The following ETNK2 variants were observed in gnomAD, a reference collection of about 807,000 sequenced individuals.
The protein encoded by ETNK2 is ethanolamine kinase 2.
A neutral mutation model predicts 46.2 loss-of-function variants in ETNK2; 33 were observed. The ratio of observed to expected loss-of-function variants is 0.71; its 90% CI spans 0.54 to 0.96. ETNK2 has a LOEUF of 0.96. ETNK2 is among the 40% of genes least tolerant of loss of function. The probability of loss-of-function intolerance (pLI) is 0.00; values close to 1 mark genes in which losing one functional copy is unlikely to be tolerated. For synonymous variants in ETNK2, 194 were observed against 209.0 expected, an observed-to-expected ratio of 0.93 and a Z score of 0.62; for missense variants, 445 against 509.7, an observed-to-expected ratio of 0.87 and a Z score of 1.22.
At position 204,151,392 on chromosome 1, in the gene ETNK2, G is replaced by A. The variant is rs1401181644; in HGVS notation, c.258+203C>T. 1.3e-5 allele frequency: 9 copies of A among 714,336 alleles called. No homozygotes were observed. The highest frequency in any genetic ancestry group is 6.8e-5 in the Admixed American group (2 of 29,414). The allele number at this position is 714,336 out of a possible 1,614,324, so 44.2% of individuals were successfully genotyped here. On this transcript the variant is annotated intron_variant, in intron 1 of 7. Coordinates refer to ENST00000367202, the MANE Select transcript of ETNK2 (RefSeq NM_018208.4). This position sits in a 1 kb window ranked among gnomAD's most constrained non-coding sequence, Gnocchi z 8.0. ...GCCTAAGAGCCCCGGGAGGAGGGGG[G>A]CGTGTGCAGGGCCAAGGGAGGTGTG...
At chr1:204,146,582 A>T in intron 3 of ETNK2, 60 bp downstream of exon 3, 1 of 1,603,080 alleles carries the variant, frequency 6.2e-7, no homozygotes, top group Non-Finnish European at 8.5e-7. Context: ...GGCTGGAGCC[A>T]AAAGGATGGG....
Position 204,151,129 on chromosome 1 carries a change from C to CA in ETNK2, c.258+465dup. 4.8e-6 allele frequency: 1 copy of CA among 210,342 alleles called. No individual in the cohort carries two copies. Among genetic ancestry groups the CA allele is most frequent in the Admixed American group, 5.7e-5 (1 of 17,544 alleles). The allele number at this position is 210,342 out of a possible 1,614,324, so 13.0% of individuals were successfully genotyped here. A position where few individuals can be genotyped will look rare whatever the true frequency, so the allele number is the denominator to read the frequency against. On this transcript the variant is annotated intron_variant, in intron 1 of 7. Transcript: ENST00000367202. The surrounding 1 kb of genome is among the most constrained non-coding windows in gnomAD (Gnocchi z 8.0). ...TCCACAGGGTGGCTCCTGGGACCCACAGGGGCAGCTCAGAGCCTGGAGGAT... is the reference window on the plus strand; with the variant it reads ...TCCACAGGGTGGCTCCTGGGACCCACAAGGGGCAGCTCAGAGCCTGGAGGAT...
At chr1:204,140,530 CT>C (rs111395792) in intron 4 of ETNK2, among the ~76,000 whole-genome samples, 337 of 146,128 alleles carry the variant, frequency 2.3e-3, no homozygotes, top group South Asian at 6.2e-3. Flanking sequence ...TTGTTTTTGT[CT>C]TTTTTTTTTT....
intron 5 of ETNK2, among the ~76,000 whole-genome samples, chr1:204,137,565 C>T (rs973056463): frequency 6.6e-6 from 1 of 152,200 alleles, no homozygotes; most frequent in Non-Finnish European, 1.5e-5. Context: ...TCTTTCCCAA[C>T]CCCTGCACAA....
In ETNK2 at chr1:204,151,501, G is replaced by A. The variant is rs1658003399; in HGVS notation, c.258+94C>T. On this transcript the variant is annotated intron_variant, in intron 1 of 7. Transcript: ENST00000367202. This position sits in a 1 kb window ranked among gnomAD's most constrained non-coding sequence, Gnocchi z 8.0. ...TTGCGCAGCAGCCGCGCACCCCTGG[G>A]ACTGACACCCGGAAGGATGCGAGGA... 1.4e-5 allele frequency: 21 copies of A among 1,503,286 alleles called. 1 individual carries two copies. In the South Asian group the frequency reaches 2.2e-4, roughly 16 times the overall value. The allele number at this position is 1,503,286 out of a possible 1,614,324, so 93.1% of individuals were successfully genotyped here. A position where few individuals can be genotyped will look rare whatever the true frequency, so the allele number is the denominator to read the frequency against.
rs568533842 is a variant in ETNK2 at position 204,151,893 on chromosome 1, G to T, written c.-41C>A. On this transcript the variant is annotated 5_prime_UTR_variant, in exon 1 of 8. Transcript: ENST00000367202. This position sits in a 1 kb window ranked among gnomAD's most constrained non-coding sequence, Gnocchi z 8.0. The stretch of plus-strand genomic sequence containing the variant: ...CCCCTCGGAGCCGCGGCAGACGCTA[G>T]CCCCGGCGGGGGGGTCCGGCGAGGG... 12 of 1,409,906 alleles carry T rather than the reference G, an allele frequency of 8.5e-6. No individual in the cohort carries two copies. The African/African-American group carries it at 1.4e-4, about 16-fold the overall frequency. 87.3% of individuals were successfully genotyped at this position (1,409,906 alleles called of 1,614,324 possible).
intron 5 of ETNK2, 147 bp downstream of exon 5, chr1:204,139,888 A>T (rs1657432699): frequency 1.5e-6 from 1 of 659,106 alleles, no homozygotes; most frequent in African/African-American, 1.8e-5. Context: ...GTATCTAAAC[A>T]TGTCTAAACA....
rs1253759329 is a variant in ETNK2, at chr1:204,151,718, G to A, written c.135C>T (p.Pro45=). The part of the protein sequence containing the change: ...ASASCREPPG[P]PRAAAVAYFG... The stretch of plus-strand genomic sequence containing the variant: ...AGTACGCGACGGCGGCGGCCCTCGG[G>A]GGGCCCGGCGGCTCCCGGCAGCTGG... The change falls in exon 1 of 8, where the codon CCC becomes CCT. Residue 45 remains proline (P), a synonymous_variant. Transcript: ENST00000367202. The surrounding 1 kb of genome is among the most constrained non-coding windows in gnomAD (Gnocchi z 8.0). 11 of 1,540,678 alleles carry A rather than the reference G, an allele frequency of 7.1e-6. No homozygotes were observed. The highest frequency in any genetic ancestry group is 2.8e-5 in the African/African-American group (2 of 72,230).
intron 7 of ETNK2, among the ~76,000 whole-genome samples, chr1:204,133,402 C>G (rs1657145412): frequency 1.3e-5 from 2 of 152,118 alleles, no homozygotes; most frequent in South Asian, 4.1e-4. Flanking sequence ...TCCTGCATAT[C>G]CTTACCAACA....
In ETNK2 at chr1:204,151,859, C is replaced by T; in HGVS notation, c.-7G>A. 1 of 1,430,000 alleles carries T rather than the reference C, an allele frequency of 7.0e-7. No individual in the cohort carries two copies. Among genetic ancestry groups the T allele is most frequent in the Non-Finnish European group, 9.1e-7 (1 of 1,096,554 alleles). The allele number at this position is 1,430,000 out of a possible 1,614,324, so 88.6% of individuals were successfully genotyped here. A position where few individuals can be genotyped will look rare whatever the true frequency, so the allele number is the denominator to read the frequency against. On this transcript the variant is annotated 5_prime_UTR_variant, in exon 1 of 8. Transcript: ENST00000367202. The surrounding 1 kb of genome is among the most constrained non-coding windows in gnomAD (Gnocchi z 8.0). ...CCGAAGGGGGCACAGCCATTCCCAG[C>T]AGCCCCACCCCCTCGGAGCCGCGGC...
chr1:204,150,267 C>G (rs958293892), intron 1 of ETNK2, among the ~76,000 whole-genome samples: 2 of 152,156 alleles, frequency 1.3e-5, no homozygotes, highest in Non-Finnish European at 2.9e-5. Flanking sequence ...GGGAGGTAGA[C>G]GCCTCCTGCT....
chr1:204,151,403 G>T lies in ETNK2; in HGVS notation c.258+192C>A. The T allele has an allele frequency of 1.2e-6, 1 of 818,866 alleles. No individual in the cohort carries two copies. 50.7% of individuals were successfully genotyped at this position (818,866 alleles called of 1,614,324 possible). ...CCGGGAGGAGGGGGGCGTGTGCAGG[G>T]CCAAGGGAGGTGTGAGCCTAGTTTT... is the stretch of plus-strand genomic sequence containing the variant. On this transcript the variant is annotated intron_variant, in intron 1 of 7. Transcript: ENST00000367202. The surrounding 1 kb of genome is among the most constrained non-coding windows in gnomAD (Gnocchi z 8.0).
At chr1:204,142,189 T>G (rs1378038833) in intron 3 of ETNK2, 1 of 152,266 alleles carries the variant, frequency 6.6e-6, no homozygotes, top group South Asian at 2.1e-4. Flanking sequence ...AAAGGAACAT[T>G]AAAGCCTTCA....
At chr1:204,137,424 G>A (rs1286724182) in intron 5 of ETNK2, among the ~76,000 whole-genome samples, 175 bp from the exon 6 acceptor site, 2 of 152,178 alleles carry the variant, frequency 1.3e-5, no homozygotes, top group South Asian at 2.1e-4. Flanking sequence ...CTCAGCTAGT[G>A]TGGGGTCTAC....
In ETNK2 at chr1:204,151,451, A is replaced by T; in HGVS notation, c.258+144T>A. 2 of 1,221,670 alleles carry T rather than the reference A, an allele frequency of 1.6e-6. No individual in the cohort carries two copies. The highest frequency in any genetic ancestry group is 2.3e-6 in the Non-Finnish European group (2 of 877,864). The allele number at this position is 1,221,670 out of a possible 1,614,324, so 75.7% of individuals were successfully genotyped here. ...TTTGGTAGCGACGAAATCAATCCGTACACAAACCACGTTCCAAACCTTTCT... is the reference window on the plus strand; with the variant it reads ...TTTGGTAGCGACGAAATCAATCCGTTCACAAACCACGTTCCAAACCTTTCT... On this transcript the variant is annotated intron_variant, in intron 1 of 7. Transcript: ENST00000367202. The surrounding 1 kb of genome is among the most constrained non-coding windows in gnomAD (Gnocchi z 8.0).
At position 204,151,909 on chromosome 1, in the gene ETNK2, C is replaced by G; in HGVS notation, c.-57G>C. On this transcript the variant is annotated 5_prime_UTR_variant, in exon 1 of 8. Coordinates refer to ENST00000367202, the MANE Select transcript of ETNK2 (RefSeq NM_018208.4). The surrounding 1 kb of genome is among the most constrained non-coding windows in gnomAD (Gnocchi z 8.0). Reference sequence around the variant, plus strand: ...CAGACGCTAGCCCCGGCGGGGGGGTCCGGCGAGGGAGTGGGAGTGGTAGAG... The same window carrying G: ...CAGACGCTAGCCCCGGCGGGGGGGTGCGGCGAGGGAGTGGGAGTGGTAGAG... 4 of 1,403,082 alleles carry G rather than the reference C, an allele frequency of 2.9e-6. No individual in the cohort carries two copies. Among genetic ancestry groups the G allele is most frequent in the Non-Finnish European group, 3.7e-6 (4 of 1,085,660 alleles). The allele number at this position is 1,403,082 out of a possible 1,614,324, so 86.9% of individuals were successfully genotyped here.
intron 2 of ETNK2, among the ~76,000 whole-genome samples, chr1:204,148,973 G>C (rs986877273): frequency 6.6e-6 from 1 of 152,176 alleles, no homozygotes; most frequent in African/African-American, 2.4e-5. Context: ...TTGGAGGGAG[G>C]AAGGAGGACA....
At chr1:204,147,616 T>C (rs1453159529) in intron 2 of ETNK2, 1 of 508,376 alleles carries the variant, frequency 2.0e-6, no homozygotes, top group South Asian at 1.4e-5. Context: ...ACATACAGCC[T>C]CTGCCTGTTG....
In ETNK2 at chr1:204,137,250, C is replaced by A. The variant is rs1224397986; in HGVS notation, c.869-1G>T. The A allele has an allele frequency of 1.2e-6, 2 of 1,613,320 alleles. No individual in the cohort carries two copies. Among genetic ancestry groups the A allele is most frequent in the Non-Finnish European group, 1.7e-6 (2 of 1,179,592 alleles). ...AGGCAGTAATCCACCTCATTCACGC[C>A]TGAGGGGGAGGCAGGCCAGACAAAG... On this transcript the variant is annotated splice_acceptor_variant, in intron 5 of 7. Coordinates refer to ENST00000367202, the MANE Select transcript of ETNK2 (RefSeq NM_018208.4). LOFTEE classifies it high-confidence loss of function.
Sources: allele counts gnomAD v4.1 joint callset (sites outside exome capture counted in the v4.1 genomes callset), GRCh38; gene constraint gnomAD v4.1.1; non-coding constraint Gnocchi (gnomAD v3.1); transcripts MANE v1.5; gene names NCBI Gene and HGNC (gene_info 2026-07-23, HGNC 2026-07-21).